SENP6: variants seen among roughly 807,000 people sequenced by gnomAD.
The protein encoded by SENP6 is sentrin-specific protease 6.
Under a neutral mutation model 134.5 loss-of-function variants are expected in SENP6, and 41 were observed. That is an observed-to-expected ratio of 0.30 (90% confidence interval 0.24 to 0.40). SENP6 has a LOEUF of 0.40. SENP6 is among the 10% of genes least tolerant of loss of function. SENP6 has a pLI of 1.00. For synonymous variants in SENP6, 395 were observed against 429.8 expected, an observed-to-expected ratio of 0.92 and a Z score of 1.00; for missense variants, 1,248 against 1,312.5, an observed-to-expected ratio of 0.95 and a Z score of 0.76.
At chr6:75,639,731 TAAG>T (rs1228337843) in intron 5 of SENP6, among the ~76,000 whole-genome samples, 3 of 152,184 alleles carry the variant, frequency 2.0e-5, no homozygotes, top group Non-Finnish European at 2.9e-5. Context: ...GGACTTGTGA[TAAG>T]AAGCCAAGAT....
chr6:75,621,783 A>G (rs1316876567), intron 2 of SENP6, among the ~76,000 whole-genome samples, 158 bp downstream of exon 2: 1 of 152,238 alleles, frequency 6.6e-6, no homozygotes, highest in East Asian at 1.9e-4. Context: ...GCAATTCCTT[A>G]TTGATAAATA....
At position 75,650,962 on chromosome 6, in the gene SENP6, G is replaced by C. The variant is rs145873754; in HGVS notation, c.550+3161G>C. On this transcript the variant is annotated intron_variant, in intron 7 of 23. Coordinates refer to ENST00000447266, the MANE Select transcript of SENP6 (RefSeq NM_015571.4). The stretch of plus-strand genomic sequence containing the variant: ...TCTTTGCCTTCTTTATTTTGAATTT[G>C]AGGCACTTAGTATATTTTTTTATAA... Among the ~76,000 whole-genome samples, 1,103 of 152,248 alleles carry C rather than the reference G, an allele frequency of 7.2e-3. 6 individuals carry two copies. The highest frequency in any genetic ancestry group is 0.011 in the South Asian group (55 of 4,816).
intron 7 of SENP6, among the ~76,000 whole-genome samples, chr6:75,649,104 G>A (rs1180355999): frequency 2.0e-5 from 3 of 151,654 alleles, no homozygotes; most frequent in East Asian, 1.9e-4. Flanking sequence ...TCAGGAATTC[G>A]AGACCAGCCT....
At chr6:75,701,909 G>A (rs1405931952) in intron 18 of SENP6, among the ~76,000 whole-genome samples, 1 of 152,022 alleles carries the variant, frequency 6.6e-6, no homozygotes, top group Non-Finnish European at 1.5e-5. Flanking sequence ...CAAAGTGCTA[G>A]GATTACAGGC....
At chr6:75,631,214 ATC>A (rs1769091451) in intron 3 of SENP6, among the ~76,000 whole-genome samples, 1 of 152,174 alleles carries the variant, frequency 6.6e-6, no homozygotes, top group South Asian at 2.1e-4. Flanking sequence ...TTCTCTTATT[ATC>A]TGATATTCTT....
At chr6:75,662,406 C>T (rs917101651) in intron 8 of SENP6, among the ~76,000 whole-genome samples, 1 of 152,028 alleles carries the variant, frequency 6.6e-6, no homozygotes, top group East Asian at 1.9e-4. Flanking sequence ...ATGTGTTGGG[C>T]TTACAGACCT....
intron 8 of SENP6, among the ~76,000 whole-genome samples, chr6:75,662,759 C>G (rs1332956120): frequency 2.6e-5 from 4 of 151,968 alleles, no homozygotes; most frequent in African/African-American, 9.7e-5. Context: ...TGTGTTTTTT[C>G]TGTTTTAGTA....
At chr6:75,680,645 C>G (rs1049738770) in intron 16 of SENP6, among the ~76,000 whole-genome samples, 3 of 152,066 alleles carry the variant, frequency 2.0e-5, no homozygotes, top group African/African-American at 7.2e-5. Context: ...TAAGGGCTAA[C>G]TAAGTATAAT....
intron 1 of SENP6, among the ~76,000 whole-genome samples, chr6:75,614,775 A>G (rs996250302): frequency 6.6e-6 from 1 of 152,178 alleles, no homozygotes; most frequent in Non-Finnish European, 1.5e-5. Flanking sequence ...ACTTGAATAG[A>G]CTTGCTGATA....
In SENP6 at chr6:75,603,732, G is replaced by A. The variant is rs530311442; in HGVS notation, c.52+1156G>A. Among the ~76,000 whole-genome samples, 3 of 152,252 alleles carry A rather than the reference G, an allele frequency of 2.0e-5. No homozygotes were observed. The South Asian group carries it at 6.2e-4, about 32-fold the overall frequency. On this transcript the variant is annotated intron_variant, in intron 1 of 23. Transcript: ENST00000447266. Reference sequence around the variant, plus strand: ...CTCGAACAGTGCCTGGAACACAGTAGGTACTCAGTGTTAGTCTAGTGAAAG... The same window carrying A: ...CTCGAACAGTGCCTGGAACACAGTAAGTACTCAGTGTTAGTCTAGTGAAAG...
intron 9 of SENP6, among the ~76,000 whole-genome samples, chr6:75,666,352 A>G (rs1772244780): frequency 6.7e-6 from 1 of 149,636 alleles, no homozygotes; most frequent in Admixed American, 6.7e-5. Flanking sequence ...GTTGTATGCA[A>G]ATTATTTTTT....
intron 11 of SENP6, among the ~76,000 whole-genome samples, chr6:75,673,700 C>T (rs1310508788): frequency 6.6e-6 from 1 of 152,088 alleles, no homozygotes; most frequent in Non-Finnish European, 1.5e-5. Context: ...TCACTTCCTT[C>T]AATTCCTTTA....
In SENP6 at chr6:75,670,641, G is replaced by T; in HGVS notation, c.1313G>T (p.Ser438Ile). The change falls in exon 11 of 24, where the codon AGT becomes ATT. Residue 438 changes from serine to isoleucine, a missense_variant. By Grantham distance (142) the Ser-to-Ile change is moderately radical. This residue lies in a region of SENP6 where 733 missense variants were observed against 725.4 expected (regional missense o/e 1.01). Transcript: ENST00000447266. Reference protein sequence around the residue: ...PPDALALSCQSSFDSVILNCR... With the variant: ...PPDALALSCQISFDSVILNCR... ...GATGCTTTAGCTTTAAGCTGCCAAA[G>T]TTCCTTTGACAGTGTCATTTTAAAC... The T allele has an allele frequency of 6.2e-7, 1 of 1,613,632 alleles. No individual in the cohort carries two copies.
At chr6:75,660,897 C>T (rs534110406) in intron 8 of SENP6, among the ~76,000 whole-genome samples, 34 of 152,290 alleles carry the variant, frequency 2.2e-4, no homozygotes, top group African/African-American at 7.9e-4. Flanking sequence ...TTCCAAAGTG[C>T]TGGGATTACA....
At chr6:75,625,261 A>G (rs200764192) in intron 3 of SENP6, among the ~76,000 whole-genome samples, 1 of 151,330 alleles carries the variant, frequency 6.6e-6, no homozygotes, top group East Asian at 1.9e-4. Flanking sequence ...ACAGGCATAC[A>G]CCACCATGCC....
chr6:75,671,653 CAG>C (rs1312105280), intron 11 of SENP6, among the ~76,000 whole-genome samples: 2 of 152,060 alleles, frequency 1.3e-5, no homozygotes, highest in Admixed American at 6.6e-5. Flanking sequence ...ACCTGGGAGG[CAG>C]AGGTTGCAGT....
Position 75,703,285 on chromosome 6 carries a change from A to G in SENP6, c.2716+213A>G, listed in dbSNP as rs550180671. On this transcript the variant is annotated intron_variant, in intron 19 of 23. Coordinates refer to ENST00000447266, the MANE Select transcript of SENP6 (RefSeq NM_015571.4). The stretch of plus-strand genomic sequence containing the variant: ...AGCGTGGGCAACATAGCGAGACCCA[A>G]TCTCCAACAAAAAAAAATAAATAGA... Among the ~76,000 whole-genome samples the G allele has an allele frequency of 2.6e-5, 4 of 151,930 alleles. No individual in the cohort carries two copies. The South Asian group carries it at 8.3e-4, about 32-fold the overall frequency.
At chr6:75,639,951 A>G (rs1769897946) in intron 5 of SENP6, among the ~76,000 whole-genome samples, 1 of 152,222 alleles carries the variant, frequency 6.6e-6, no homozygotes, top group South Asian at 2.1e-4. Flanking sequence ...CTGTAACAAC[A>G]GTAGTCTCCT....
In SENP6 at chr6:75,602,336, A is replaced by C; in HGVS notation, c.-189A>C. 2.7e-5 allele frequency: 13 copies of C among 489,528 alleles called. No homozygotes were observed. The highest frequency in any genetic ancestry group is 3.1e-5 in the Non-Finnish European group (9 of 288,348). The allele number at this position is 489,528 out of a possible 1,614,324, so 30.3% of individuals were successfully genotyped here. On this transcript the variant is annotated 5_prime_UTR_variant, in exon 1 of 24. Transcript: ENST00000447266. The stretch of plus-strand genomic sequence containing the variant: ...CCTCGCTGCCCGCCAGCCCGCGGAC[A>C]GGCCCGGGCGCGCCTGGCCTGCCTT...
Sources: gnomAD v4.1 joint callset for allele counts (sites outside exome capture counted in the v4.1 genomes callset) on GRCh38, gnomAD v4.1.1 for gene constraint, gnomAD v4.1.1 regional missense constraint, MANE v1.5 for transcripts, NCBI Gene and HGNC (gene_info 2026-07-23, HGNC 2026-07-21) for gene names.